Variants in RIT2 observed in about 807,000 individuals in gnomAD.
RIT2 encodes Ras like without CAAX 2, also known as GTP-binding protein Rit2.
RIT2 carries 24 observed loss-of-function variants against 23.7 expected under a neutral mutation model. The observed-to-expected ratio is 1.01, with a 90% CI of 0.73 to 1.43. RIT2 has a LOEUF of 1.43. RIT2 is among the 40% of genes most tolerant of loss of function. RIT2 has a pLI of 0.00. For synonymous variants in RIT2, 107 were observed against 91.1 expected, an observed-to-expected ratio of 1.17 and a Z score of -0.99; for missense variants, 236 against 266.9, an observed-to-expected ratio of 0.88 and a Z score of 0.81.
At chr18:42,949,191 A>T (rs1909793094) in intron 3 of RIT2, 1 of 393,620 alleles carries the variant, frequency 2.5e-6, no homozygotes, top group Admixed American at 4.4e-5. Flanking sequence ...AAAGGGGCAC[A>T]TGTGTGCTGT....
intron 2 of RIT2, among the ~76,000 whole-genome samples, chr18:43,019,208 C>G (rs1363496305): frequency 6.6e-6 from 1 of 151,614 alleles, no homozygotes; most frequent in Non-Finnish European, 1.5e-5. Context: ...AAAAATACCC[C>G]AAGCATATCA....
chr18:42,892,000 G>A (rs1455353944), intron 4 of RIT2, among the ~76,000 whole-genome samples: 6 of 152,114 alleles, frequency 3.9e-5, no homozygotes, highest in East Asian at 3.9e-4. Flanking sequence ...GGCAGGGGGT[G>A]TGTGGGAACT....
intron 1 of RIT2, among the ~76,000 whole-genome samples, chr18:43,112,360 A>G (rs1215351183): frequency 6.6e-6 from 1 of 152,180 alleles, no homozygotes; most frequent in Non-Finnish European, 1.5e-5. Flanking sequence ...TAAGCGTGAA[A>G]TACATGTAGC....
intron 2 of RIT2, among the ~76,000 whole-genome samples, chr18:43,023,360 T>C (rs1911639761): frequency 6.6e-6 from 1 of 152,082 alleles, no homozygotes; most frequent in Non-Finnish European, 1.5e-5. Flanking sequence ...GCCTTTCCAT[T>C]CTCTATGAAT....
At chr18:42,861,504 TG>T (rs958011508) in intron 4 of RIT2, among the ~76,000 whole-genome samples, 8 of 152,200 alleles carry the variant, frequency 5.3e-5, no homozygotes, top group African/African-American at 1.9e-4. Context: ...TCCACATCTC[TG>T]TCATGACATC....
intron 1 of RIT2, among the ~76,000 whole-genome samples, chr18:43,042,044 GAAT>G (rs1365600561): frequency 6.6e-6 from 1 of 152,106 alleles, no homozygotes; most frequent in Non-Finnish European, 1.5e-5. Context: ...GCAATTTAGA[GAAT>G]AATACAATCT....
intron 1 of RIT2, among the ~76,000 whole-genome samples, chr18:43,045,806 C>T (rs1912234008): frequency 6.6e-6 from 1 of 152,006 alleles, no homozygotes; most frequent in Admixed American, 6.6e-5. Flanking sequence ...TTTCTTAAGA[C>T]ATCATTAGCT....
At chr18:42,796,464 A>T (rs1462576925) in intron 4 of RIT2, among the ~76,000 whole-genome samples, 3 of 44,496 alleles carry the variant, frequency 6.7e-5, no homozygotes, top group African/African-American at 2.1e-4. Context: ...GAACCCACCA[A>T]TTCCGGACAC....
At chr18:42,846,573 A>T (rs1906915076) in intron 4 of RIT2, among the ~76,000 whole-genome samples, 1 of 151,968 alleles carries the variant, frequency 6.6e-6, no homozygotes, top group African/African-American at 2.4e-5. Context: ...ATCCATCAAT[A>T]TATAAATGAA....
chr18:42,824,175 T>C (rs1256439821), intron 4 of RIT2, among the ~76,000 whole-genome samples: 1 of 152,136 alleles, frequency 6.6e-6, no homozygotes, highest in Admixed American at 6.5e-5. Context: ...TTTCAACTCT[T>C]CTTCAAAATG....
At position 42,803,596 on chromosome 18, in the gene RIT2, T is replaced by C. The variant is rs187129734; in HGVS notation, c.427-59876A>G. On this transcript the variant is annotated intron_variant, in intron 4 of 4. Coordinates refer to ENST00000326695, the MANE Select transcript of RIT2 (RefSeq NM_002930.4). ...GAAATTTAGTATGCATTCTTTTGAC[T>C]ATTGTGGTATTATAGGATGCAGGGG... Among the ~76,000 whole-genome samples, 276 of 152,334 alleles carry C rather than the reference T, an allele frequency of 1.8e-3. 2 individuals carry two copies. Among genetic ancestry groups the C allele is most frequent in the Non-Finnish European group, 3.3e-3 (226 of 68,028 alleles).
intron 4 of RIT2, among the ~76,000 whole-genome samples, chr18:42,831,492 T>C (rs1906455818): frequency 6.6e-6 from 1 of 152,148 alleles, no homozygotes. Flanking sequence ...TTTGGGCACA[T>C]TTGCCTTGGT....
At chr18:42,782,410 A>G (rs1444689739) in intron 4 of RIT2, among the ~76,000 whole-genome samples, 1 of 152,118 alleles carries the variant, frequency 6.6e-6, no homozygotes, top group Non-Finnish European at 1.5e-5. Context: ...ATTTATATTT[A>G]CATATATCTT....
At chr18:42,804,213 A>T (rs938690553) in intron 4 of RIT2, among the ~76,000 whole-genome samples, 2 of 152,194 alleles carry the variant, frequency 1.3e-5, no homozygotes, top group Non-Finnish European at 2.9e-5. Context: ...CGTAAATTGT[A>T]CAAGAAAGAA....
chr18:43,004,564 C>T (rs1007638886), intron 2 of RIT2, among the ~76,000 whole-genome samples: 1 of 151,812 alleles, frequency 6.6e-6, no homozygotes, highest in Admixed American at 6.6e-5. Flanking sequence ...CCAGTGTGCC[C>T]GACACTTTCT....
chr18:43,076,544 A>G (rs918176401), intron 1 of RIT2, among the ~76,000 whole-genome samples: 3 of 152,046 alleles, frequency 2.0e-5, no homozygotes, highest in Non-Finnish European at 4.4e-5. Context: ...AAAAAGGTAT[A>G]ATATGAAATA....
intron 4 of RIT2, among the ~76,000 whole-genome samples, chr18:42,810,977 A>G (rs1568002112): frequency 1.3e-5 from 2 of 152,006 alleles, no homozygotes; most frequent in Non-Finnish European, 2.9e-5. Context: ...ATTTTTCCCT[A>G]GCTTTGCCTT....
chr18:42,870,666 A>G (rs1907597772), intron 4 of RIT2, among the ~76,000 whole-genome samples: 2 of 152,214 alleles, frequency 1.3e-5, no homozygotes, highest in Non-Finnish European at 1.5e-5. Context: ...TCTAGGCAAG[A>G]AAACAACCAA....
At chr18:42,900,364 G>T (rs185428514) in intron 4 of RIT2, among the ~76,000 whole-genome samples, 10 of 152,130 alleles carry the variant, frequency 6.6e-5, no homozygotes, top group African/African-American at 2.4e-4. Flanking sequence ...TGAAAAGTCA[G>T]GTTATTAGTC....
Sources: gnomAD v4.1 joint callset for allele counts (sites outside exome capture counted in the v4.1 genomes callset) on GRCh38, gnomAD v4.1.1 for gene constraint, MANE v1.5 for transcripts, NCBI Gene and HGNC (gene_info 2026-07-23, HGNC 2026-07-21) for gene names.